PSMA8: variants seen among roughly 807,000 people sequenced by gnomAD.
PSMA8 encodes proteasome subunit alpha-type 8.
In PSMA8, 18 loss-of-function variants were observed where a neutral mutation model predicts 32.4. The ratio of observed to expected loss-of-function variants is 0.56; its 90% confidence interval spans 0.38 to 0.82. PSMA8 has a LOEUF of 0.82. Ranked by LOEUF, PSMA8 falls within the 40% of genes least tolerant of loss-of-function variation. The pLI is 0.00. For missense variants in PSMA8, 298 were observed against 300.7 expected (o/e 0.99, Z 0.07); for synonymous variants, 104 against 98.1 (o/e 1.06, Z -0.36).
intron 2 of PSMA8, among the ~76,000 whole-genome samples, chr18:26,146,418 G>T (rs1346090669): frequency 6.6e-6 from 1 of 152,024 alleles, no homozygotes; most frequent in Non-Finnish European, 1.5e-5. Context: ...CCTTTATTGT[G>T]CTGTCTTTAA....
chr18:26,155,932 C>T (rs1030355750), intron 3 of PSMA8, among the ~76,000 whole-genome samples: 2 of 152,084 alleles, frequency 1.3e-5, no homozygotes, highest in African/African-American at 2.4e-5. Flanking sequence ...CTGGAATGTA[C>T]GAGGAACTCA....
chr18:26,155,715 G>A (rs2055083598), intron 3 of PSMA8, among the ~76,000 whole-genome samples: 1 of 152,098 alleles, frequency 6.6e-6, no homozygotes, highest in Non-Finnish European at 1.5e-5. Flanking sequence ...AAAATATAGA[G>A]GAAATGCTTT....
chr18:26,160,071 G>A (rs767441676), intron 4 of PSMA8, among the ~76,000 whole-genome samples: 22 of 152,248 alleles, frequency 1.4e-4, no homozygotes, highest in Admixed American at 4.6e-4. Flanking sequence ...GGCAGCCAAG[G>A]CAAAAGGATT....
At chr18:26,134,343 GTGTGTGTGTGTGTGTGTGTGTCTCTGT>G (rs747436054) in intron 1 of PSMA8, among the ~76,000 whole-genome samples, 8,269 of 141,678 alleles carry the variant, frequency 0.058, 664 homozygotes, top group African/African-American at 0.21. Context: ...GTGTGTGGGT[GTGTGTGTGTGTGTGTGTGTGTCTCTGT>G]GTGTGTGTGT....
intron 4 of PSMA8, among the ~76,000 whole-genome samples, chr18:26,161,325 A>C (rs1313585980): frequency 6.6e-6 from 1 of 152,232 alleles, no homozygotes; most frequent in Non-Finnish European, 1.5e-5. Context: ...TGAAAAATGA[A>C]TTACTAGTTT....
chr18:26,187,163 G>A (rs1407500343), intron 6 of PSMA8, among the ~76,000 whole-genome samples: 1 of 152,180 alleles, frequency 6.6e-6, no homozygotes, highest in Non-Finnish European at 1.5e-5. Flanking sequence ...TGGCCAACAT[G>A]GTGAAAACCC....
Position 26,151,977 on chromosome 18 carries a change from A to G in PSMA8, c.349A>G (p.Lys117Glu), listed in dbSNP as rs762651914. The G allele has an allele frequency of 5.0e-6, 8 of 1,595,602 alleles. No individual in the cohort carries two copies. Among genetic ancestry groups the G allele is most frequent in the Non-Finnish European group, 6.8e-6 (8 of 1,174,660 alleles). Residue 117 changes from lysine (K) to glutamate (E), a missense_variant, in exon 3 of 7, where the codon AAG (lysine) becomes GAG (glutamate). Transcript: ENST00000415576. ...EYITRFIATLKQKYTQSNGRR... is the reference protein window; with the variant it reads ...EYITRFIATLEQKYTQSNGRR... ...CATAACTCGCTTCATAGCAACTTTA[A>G]AGCAGGTAAGCTAATATTCTAACAT...
intron 2 of PSMA8, among the ~76,000 whole-genome samples, chr18:26,147,748 A>G (rs574863700): frequency 7.9e-5 from 12 of 152,254 alleles, no homozygotes; most frequent in South Asian, 2.1e-4. Flanking sequence ...AGAAAAACAA[A>G]AGAGAAAAAT....
In PSMA8 at chr18:26,144,591, T is replaced by C. The variant is rs1468286871; in HGVS notation, c.135T>C (p.Leu45=). 2 of 1,613,464 alleles carry C rather than the reference T, an allele frequency of 1.2e-6. No homozygotes were observed. Among genetic ancestry groups the C allele is most frequent in the Non-Finnish European group, 1.7e-6 (2 of 1,179,600 alleles). ...TTCGAGGTACCAATATAGTTGTTCT[T>C]GGGGTAGAAAAAAAATCTGTTGCCA... ...VGIRGTNIVV[L]GVEKKSVAKL... Residue 45 remains leucine, a synonymous_variant, in exon 2 of 7, where the codon CTT becomes CTC. Transcript: ENST00000415576.
At chr18:26,180,345 G>C (rs1444188385) in intron 6 of PSMA8, among the ~76,000 whole-genome samples, 1 of 152,134 alleles carries the variant, frequency 6.6e-6, no homozygotes, top group East Asian at 1.9e-4. Context: ...TGGAGCACTG[G>C]GGTTTTTTGT....
chr18:26,139,518 G>A (rs1477364767), intron 1 of PSMA8, among the ~76,000 whole-genome samples: 1 of 152,118 alleles, frequency 6.6e-6, no homozygotes, highest in Non-Finnish European at 1.5e-5. Context: ...AAAAGTACAT[G>A]TTTGAAATTT....
chr18:26,155,217 A>G (rs887584112), intron 3 of PSMA8, among the ~76,000 whole-genome samples: 1 of 152,084 alleles, frequency 6.6e-6, no homozygotes, highest in African/African-American at 2.4e-5. Context: ...CCTGGGCGAC[A>G]GAGTGAGACT....
chr18:26,135,695 G>A (rs1187228235), intron 1 of PSMA8, among the ~76,000 whole-genome samples: 1 of 152,144 alleles, frequency 6.6e-6, no homozygotes, highest in Non-Finnish European at 1.5e-5. Context: ...TAAAATAAAG[G>A]GAGTAATAGG....
At chr18:26,158,321 C>A in intron 4 of PSMA8, 77 bp downstream of exon 4, 2 of 1,190,286 alleles carry the variant, frequency 1.7e-6, no homozygotes, top group South Asian at 1.5e-5. Context: ...CTTTGAGAGA[C>A]ATGAAAAATT....
chr18:26,161,909 GT>G (rs1187887438), intron 4 of PSMA8, among the ~76,000 whole-genome samples: 1 of 152,108 alleles, frequency 6.6e-6, no homozygotes, highest in Non-Finnish European at 1.5e-5. Context: ...AGTCAGCCAT[GT>G]TGTCAGGTTG....
chr18:26,141,713 C>G (rs9953065), intron 1 of PSMA8, among the ~76,000 whole-genome samples: 7 of 109,994 alleles, frequency 6.4e-5, no homozygotes, highest in Non-Finnish European at 1.1e-4. Flanking sequence ...TTTCTTTTTT[C>G]TTTTTTTTTT....
chr18:26,156,670 ATG>A (rs138342252), intron 3 of PSMA8, among the ~76,000 whole-genome samples: 2,854 of 147,832 alleles, frequency 0.019, 48 homozygotes, highest in Non-Finnish European at 0.028. Context: ...ATATATAATA[ATG>A]TGTGTGTATA....
rs1225676012 is a variant in PSMA8, at chr18:26,169,614, T to C, written c.478-9216T>C. The stretch of plus-strand genomic sequence containing the variant: ...CAGCACTTTGGGAGGCTGAGGTGGG[T>C]GAATCGCTTGCGGTCACGAGTTCGA... On this transcript the variant is annotated intron_variant, in intron 4 of 6. Coordinates refer to ENST00000415576, the MANE Select transcript of PSMA8 (RefSeq NM_001025096.2). 1.5e-5 allele frequency among the ~76,000 whole-genome samples: 2 copies of C among 129,112 alleles called. 1 individual carries two copies. The allele number at this position is 129,112 out of a possible 152,430, so 84.7% of individuals were successfully genotyped here. A position where few individuals can be genotyped will look rare whatever the true frequency, so the allele number is the denominator to read the frequency against.
chr18:26,161,222 C>G (rs1188006719), intron 4 of PSMA8, among the ~76,000 whole-genome samples: 2 of 152,128 alleles, frequency 1.3e-5, no homozygotes, highest in African/African-American at 4.8e-5. Flanking sequence ...ACTAGCAGAA[C>G]CAAGTGGGGA....
Sources: allele counts gnomAD v4.1 joint callset (sites outside exome capture counted in the v4.1 genomes callset), GRCh38; gene constraint gnomAD v4.1.1; transcripts MANE v1.5; gene names NCBI Gene and HGNC (gene_info 2026-07-23, HGNC 2026-07-21).